PDE1C: variants seen among roughly 807,000 people sequenced by gnomAD.
PDE1C encodes phosphodiesterase 1C.
In PDE1C, 62 loss-of-function variants were observed where a neutral mutation model predicts 93.1. The ratio of observed to expected loss-of-function variants is 0.67; its 90% CI spans 0.54 to 0.82. The LOEUF (loss-of-function observed/expected upper bound fraction) is 0.82. PDE1C is among the 40% of genes least tolerant of loss of function. The pLI, the probability that PDE1C is intolerant of heterozygous loss-of-function variation, is 0.00. For missense variants in PDE1C, 742 were observed against 884.6 expected (o/e 0.84, Z 2.04); for synonymous variants, 325 against 310.1 (o/e 1.05, Z -0.50).
At chr7:32,322,085 AT>A (rs1783304563) in intron 1 of PDE1C, among the ~76,000 whole-genome samples, 1 of 152,162 alleles carries the variant, frequency 6.6e-6, no homozygotes, top group African/African-American at 2.4e-5. Flanking sequence ...ATATTAATTT[AT>A]TTAGTCCTTA....
At chr7:31,755,280 G>A (rs1302604962) in intron 17 of PDE1C, among the ~76,000 whole-genome samples, 1 of 152,136 alleles carries the variant, frequency 6.6e-6, no homozygotes, top group Non-Finnish European at 1.5e-5. Flanking sequence ...AGATACAGGT[G>A]ATTATATATA....
intron 1 of PDE1C, among the ~76,000 whole-genome samples, chr7:32,349,277 G>A (rs1467638307): frequency 2.0e-5 from 3 of 152,192 alleles, no homozygotes; most frequent in Admixed American, 6.5e-5. Flanking sequence ...CAGGGCACAC[G>A]GAGTTGAATG....
chr7:31,997,961 C>G (rs1021599238), intron 2 of PDE1C, among the ~76,000 whole-genome samples: 1 of 151,848 alleles, frequency 6.6e-6, no homozygotes, highest in Non-Finnish European at 1.5e-5. Context: ...AGTAAAATGC[C>G]TCTATGTGGC....
upstream of PDE1C, among the ~76,000 whole-genome samples, chr7:32,301,007 TA>T (rs148698951): frequency 5.3e-5 from 8 of 149,754 alleles, no homozygotes; most frequent in East Asian, 5.9e-4. Flanking sequence ...CTGGCTGCTT[TA>T]AAAAAAAAAT....
chr7:32,082,277 G>C (rs1278717322), intron 3 of PDE1C, among the ~76,000 whole-genome samples: 5 of 152,234 alleles, frequency 3.3e-5, no homozygotes, highest in Admixed American at 3.3e-4. Flanking sequence ...AGCAGTCTGA[G>C]ATCAAACTGC....
chr7:31,821,447 A>G (rs1788944643), intron 14 of PDE1C, among the ~76,000 whole-genome samples: 2 of 152,174 alleles, frequency 1.3e-5, no homozygotes, highest in South Asian at 4.1e-4. Context: ...TTTAAATTGC[A>G]TGTTGTCAGA....
intron 2 of PDE1C, among the ~76,000 whole-genome samples, chr7:31,940,718 T>G (rs1805709519): frequency 2.0e-5 from 3 of 152,196 alleles, no homozygotes; most frequent in African/African-American, 7.2e-5. Flanking sequence ...GGTTCATCAT[T>G]GGTCCTCATG....
At chr7:31,720,099 C>T in the PDE1C span, among the ~76,000 whole-genome samples, 3 of 133,746 alleles carry the variant, frequency 2.2e-5, no homozygotes, top group Non-Finnish European at 4.6e-5. Context: ...GGAAGCGGAG[C>T]TTGCAGTGAG....
intron 2 of PDE1C, among the ~76,000 whole-genome samples, chr7:32,208,964 G>C (rs184857956): frequency 6.6e-6 from 1 of 152,354 alleles, no homozygotes; most frequent in East Asian, 1.9e-4. Context: ...GGAAAAGCCA[G>C]TGGAGTTAGT....
intron 15 of PDE1C, among the ~76,000 whole-genome samples, chr7:31,811,047 A>C (rs986297380): frequency 6.6e-6 from 1 of 152,008 alleles, no homozygotes; most frequent in Non-Finnish European, 1.5e-5. Context: ...CCCCACCAAA[A>C]TCTCATCTTT....
chr7:31,700,254 G>A, the PDE1C span, among the ~76,000 whole-genome samples: 2 of 152,204 alleles, frequency 1.3e-5, no homozygotes, highest in African/African-American at 4.8e-5. Flanking sequence ...ACACAGGAAT[G>A]ATATGGAAGT....
intron 1 of PDE1C, among the ~76,000 whole-genome samples, chr7:32,256,397 G>A (rs1044867287): frequency 1.3e-5 from 2 of 152,212 alleles, no homozygotes; most frequent in Non-Finnish European, 2.9e-5. Flanking sequence ...CCAAGAGGGA[G>A]GCAATCAGGC....
intron 2 of PDE1C, among the ~76,000 whole-genome samples, chr7:31,922,608 C>G (rs553014615): frequency 6.4e-4 from 97 of 152,206 alleles, no homozygotes; most frequent in African/African-American, 2.1e-3. Context: ...TACAGTTAAC[C>G]AAATTACATT....
chr7:32,415,154 C>T (rs566358841), intron 1 of PDE1C, among the ~76,000 whole-genome samples: 12 of 152,172 alleles, frequency 7.9e-5, no homozygotes, highest in African/African-American at 2.4e-4. Flanking sequence ...CCTGTCTCTA[C>T]AAATAAATAA....
intron 1 of PDE1C, among the ~76,000 whole-genome samples, chr7:32,401,497 A>G (rs535671891): frequency 6.6e-6 from 1 of 151,876 alleles, no homozygotes; most frequent in East Asian, 1.9e-4. Context: ...AGATCATGCC[A>G]CTGCACTCCA....
intron 1 of PDE1C, among the ~76,000 whole-genome samples, chr7:32,359,050 T>G (rs1412844187): frequency 6.6e-6 from 1 of 152,186 alleles, no homozygotes; most frequent in Admixed American, 6.5e-5. Flanking sequence ...ATCCCCACCC[T>G]TGATATCTGA....
chr7:32,325,029 T>C (rs888224021), intron 1 of PDE1C, among the ~76,000 whole-genome samples: 36 of 152,358 alleles, frequency 2.4e-4, no homozygotes, highest in African/African-American at 8.4e-4. Context: ...AGGAACCTTC[T>C]TGTTGAAAAC....
chr7:32,277,672 G>C (rs1338045266), intron 1 of PDE1C, among the ~76,000 whole-genome samples: 1 of 152,158 alleles, frequency 6.6e-6, no homozygotes, highest in Non-Finnish European at 1.5e-5. Context: ...AAGGAAGAAA[G>C]AGAAAGATGC....
chr7:32,301,394 TC>T (rs1812879002), upstream of PDE1C, among the ~76,000 whole-genome samples: 1 of 152,224 alleles, frequency 6.6e-6, no homozygotes, highest in Non-Finnish European at 1.5e-5. Flanking sequence ...TATTTAATCA[TC>T]TTAACAGAAA....
Sources: gnomAD v4.1 joint callset for allele counts (sites outside exome capture counted in the v4.1 genomes callset) on GRCh38, gnomAD v4.1.1 for gene constraint, MANE v1.5 for transcripts, NCBI Gene and HGNC (gene_info 2026-07-23, HGNC 2026-07-21) for gene names.